The following SLC27A6 variants were observed in gnomAD, a reference collection of about 807,000 sequenced individuals.
The protein encoded by SLC27A6 is solute carrier family 27 member 6.
In SLC27A6, 74 loss-of-function variants were observed where a neutral mutation model predicts 63.9. The observed-to-expected ratio is 1.16, with a 90% confidence interval of 0.96 to 1.40. The LOEUF (loss-of-function observed/expected upper bound fraction) is 1.40, where lower values mean the gene tolerates loss of function less well. Among genes scored for constraint, SLC27A6 ranks in the 40% most tolerant of loss-of-function variants. The pLI is 0.00. For synonymous variants in SLC27A6, 287 were observed against 260.8 expected (o/e 1.10, Z -0.97); for missense variants, 794 against 732.9 (o/e 1.08, Z -0.96).
intron 4 of SLC27A6, among the ~76,000 whole-genome samples, chr5:129,012,828 A>G (rs1385603886): frequency 1.3e-5 from 2 of 152,016 alleles, no homozygotes; most frequent in African/African-American, 4.8e-5. Context: ...GGGCTTATGT[A>G]ATATTTAAGA....
chr5:129,028,266 CA>C (rs1476831853), intron 7 of SLC27A6, 78 bp from the exon 8 acceptor site: 1 of 897,546 alleles, frequency 1.1e-6, no homozygotes, highest in Non-Finnish European at 1.8e-6. Context: ...GTGCCAAATG[CA>C]AGACATTAAA....
chr5:128,978,764 G>A (rs1750476927), intron 1 of SLC27A6, among the ~76,000 whole-genome samples: 1 of 152,130 alleles, frequency 6.6e-6, no homozygotes, highest in East Asian at 1.9e-4. Flanking sequence ...AGTTCTAGGA[G>A]GTATAACTTA....
chr5:129,028,952 A>G (rs1256155664), intron 8 of SLC27A6, among the ~76,000 whole-genome samples: 2 of 152,016 alleles, frequency 1.3e-5, no homozygotes, highest in Non-Finnish European at 2.9e-5. Context: ...AAGTCATAAG[A>G]CAGCCATTCT....
chr5:129,024,901 A>G (rs1752185780), intron 6 of SLC27A6, among the ~76,000 whole-genome samples: 1 of 152,174 alleles, frequency 6.6e-6, no homozygotes, highest in Admixed American at 6.5e-5. Context: ...TTTGTCTATT[A>G]AAAAACAAAT....
At chr5:129,027,392 A>G in intron 7 of SLC27A6, 61 bp downstream of exon 7, 3 of 1,256,620 alleles carry the variant, frequency 2.4e-6, no homozygotes, top group Non-Finnish European at 3.5e-6. Context: ...TTCTATAGAA[A>G]CATCAGAGAC....
At chr5:128,974,634 T>C (rs1424286887) in intron 1 of SLC27A6, among the ~76,000 whole-genome samples, 1 of 152,206 alleles carries the variant, frequency 6.6e-6, no homozygotes, top group Non-Finnish European at 1.5e-5. Flanking sequence ...TACTATTAAA[T>C]CATTATACCC....
chr5:129,012,805 T>A (rs1027270337), intron 4 of SLC27A6, among the ~76,000 whole-genome samples: 3 of 152,038 alleles, frequency 2.0e-5, no homozygotes, highest in African/African-American at 7.2e-5. Context: ...TCCATCCAAC[T>A]ACTTTCAATT....
intron 1 of SLC27A6, among the ~76,000 whole-genome samples, chr5:128,971,603 C>A (rs1201617125): frequency 3.4e-5 from 5 of 145,688 alleles, no homozygotes; most frequent in African/African-American, 1.3e-4. Flanking sequence ...TTTTTGTTTT[C>A]CATTTGGTTG....
intron 4 of SLC27A6, among the ~76,000 whole-genome samples, chr5:128,999,200 G>A (rs564114295): frequency 8.5e-5 from 13 of 152,250 alleles, no homozygotes; most frequent in African/African-American, 3.1e-4. Context: ...GTGCTCTCTG[G>A]AAGAAGCTTC....
At chr5:128,991,824 A>G (rs1342525732) in intron 4 of SLC27A6, among the ~76,000 whole-genome samples, 1 of 151,972 alleles carries the variant, frequency 6.6e-6, no homozygotes, top group Non-Finnish European at 1.5e-5. Context: ...AAAACAGATA[A>G]GCAGAGACAG....
At chr5:129,026,887 C>T (rs551341369) in intron 6 of SLC27A6, among the ~76,000 whole-genome samples, 1 of 152,164 alleles carries the variant, frequency 6.6e-6, no homozygotes, top group East Asian at 1.9e-4. Context: ...TCTAATGAGG[C>T]TTTTCTTTCC....
chr5:129,018,634 AT>A (rs1751982605), intron 5 of SLC27A6, among the ~76,000 whole-genome samples: 1 of 152,074 alleles, frequency 6.6e-6, no homozygotes, highest in Non-Finnish European at 1.5e-5. Context: ...TCCATTACAA[AT>A]TTGGTATTGA....
At chr5:129,013,429 G>A (rs1322796024) in intron 4 of SLC27A6, among the ~76,000 whole-genome samples, 3 of 152,008 alleles carry the variant, frequency 2.0e-5, no homozygotes, top group Non-Finnish European at 4.4e-5. Flanking sequence ...TAGAATGCTA[G>A]GTTGACAATT....
intron 9 of SLC27A6, among the ~76,000 whole-genome samples, chr5:129,030,858 T>C (rs1407302021): frequency 5.9e-5 from 9 of 152,010 alleles, no homozygotes; most frequent in Non-Finnish European, 1.5e-5. Context: ...TATACAGTTT[T>C]ATCACCTGTG....
At chr5:128,998,673 T>A in intron 4 of SLC27A6, among the ~76,000 whole-genome samples, 1 of 152,170 alleles carries the variant, frequency 6.6e-6, no homozygotes, top group Non-Finnish European at 1.5e-5. Flanking sequence ...TTGATATTAA[T>A]TTAACATTTA....
At chr5:129,017,623 C>A (rs147662979) in intron 5 of SLC27A6, among the ~76,000 whole-genome samples, 15 of 152,092 alleles carry the variant, frequency 9.9e-5, no homozygotes, top group African/African-American at 3.4e-4. Context: ...TAAATCGATT[C>A]TGATTGATAG....
chr5:129,010,876 A>G (rs912927183), intron 4 of SLC27A6, among the ~76,000 whole-genome samples: 1 of 152,202 alleles, frequency 6.6e-6, no homozygotes, highest in African/African-American at 2.4e-5. Flanking sequence ...TGAGTCCTGA[A>G]TCACACAAAC....
intron 3 of SLC27A6, among the ~76,000 whole-genome samples, chr5:128,989,689 C>A (rs1251782184): frequency 6.6e-6 from 1 of 152,208 alleles, no homozygotes; most frequent in East Asian, 1.9e-4. Flanking sequence ...CTTTGGGAGG[C>A]TGAGGCAGGT....
At chr5:128,971,178 C>T in intron 1 of SLC27A6, among the ~76,000 whole-genome samples, 1 of 152,056 alleles carries the variant, frequency 6.6e-6, no homozygotes, top group Non-Finnish European at 1.5e-5. Flanking sequence ...TTACTTCCAA[C>T]TATGTGGTCA....
Sources: gnomAD v4.1 joint callset for allele counts (sites outside exome capture counted in the v4.1 genomes callset) on GRCh38, gnomAD v4.1.1 for gene constraint, MANE v1.5 for transcripts, NCBI Gene and HGNC (gene_info 2026-07-23, HGNC 2026-07-21) for gene names.